Variants in TRPM5 observed in about 807,000 individuals in gnomAD.
The protein encoded by TRPM5 is MLSN1 and TRP-related.
In TRPM5, 121 loss-of-function variants were observed where a neutral mutation model predicts 124.9. That is an observed-to-expected ratio of 0.97 (90% CI 0.84 to 1.13). TRPM5 has a LOEUF of 1.13. TRPM5 is among the 50% of genes most tolerant of loss of function. The pLI, the probability that TRPM5 is intolerant of heterozygous loss-of-function variation, is 0.00. For synonymous variants in TRPM5, 781 were observed against 700.5 expected (o/e 1.11, Z -1.81); for missense variants, 1,643 against 1,589.1 (o/e 1.03, Z -0.58).
At chr11:2,412,622 GA>G (rs1850475197) in intron 15 of TRPM5, 131 bp downstream of exon 20, 1 of 1,010,224 alleles carries the variant, frequency 9.9e-7, no homozygotes, top group Non-Finnish European at 1.4e-6. Context: ...TGGTGACTGG[GA>G]AGATGGGAGG....
chr11:2,426,235 T>TG (rs987882120), upstream of TRPM5, among the ~76,000 whole-genome samples: 1 of 152,112 alleles, frequency 6.6e-6, no homozygotes, highest in Admixed American at 6.5e-5. Flanking sequence ...AGTAGCAGCG[T>TG]GGGGCAGCCT....
At chr11:2,418,395 T>C (rs1391263658) in intron 5 of TRPM5, 37 bp from the exon 11 acceptor site, 1 of 1,531,478 alleles carries the variant, frequency 6.5e-7, no homozygotes. Flanking sequence ...GACCCCAGAT[T>C]AGCCCGACGA....
At chr11:2,425,253 T>A (rs936486241), upstream of TRPM5, among the ~76,000 whole-genome samples, 5 of 152,066 alleles carry the variant, frequency 3.3e-5, no homozygotes, top group Non-Finnish European at 7.4e-5. Flanking sequence ...AGCCCAGACG[T>A]CCCAAATCCA....
chr11:2,405,067 G>A (rs761107596), intron 23 of TRPM5, 24 bp from the exon 29 acceptor site: 25 of 1,598,616 alleles, frequency 1.6e-5, no homozygotes, highest in Admixed American at 5.0e-5. Flanking sequence ...AGGCCCCCCT[G>A]AGCGGTGGGA....
rs748300169 is a variant in TRPM5, at chr11:2,415,887, AG to A, written c.1128+18del. On this transcript the variant is annotated intron_variant, in intron 8 of 23. Coordinates refer to ENST00000155858, the Ensembl canonical transcript of TRPM5. ...GCAGTGCCATGATGGGGAGGTGGGT[AG>A]GCAGGGCTGGGAGGCACCTTCCACT... 1.2e-5 allele frequency: 18 copies of A among 1,521,360 alleles called. No homozygotes were observed. The highest frequency in any genetic ancestry group is 1.4e-5 in the Non-Finnish European group (16 of 1,114,786). 94.2% of individuals were successfully genotyped at this position (1,521,360 alleles called of 1,614,324 possible).
intron 16 of TRPM5, 31 bp from the exon 22 acceptor site, chr11:2,411,798 G>A: frequency 1.2e-6 from 2 of 1,610,462 alleles, no homozygotes; most frequent in Non-Finnish European, 1.7e-6. Flanking sequence ...GCGGCTGCGG[G>A]GCCCAGAGAG....
rs202059741 is a variant in TRPM5, at chr11:2,412,750, C to T, written c.2355+4G>A. 207 of 1,586,838 alleles carry T rather than the reference C, an allele frequency of 1.3e-4. No individual in the cohort carries two copies. The African/African-American group carries it at 1.8e-3, about 14-fold the overall frequency. Reference sequence around the variant, plus strand: ...AGGGGACCTAGGCTAGTGTGGCCACCGACCTGCCGGATTTCCTCCAGCACC... The same window carrying T: ...AGGGGACCTAGGCTAGTGTGGCCACTGACCTGCCGGATTTCCTCCAGCACC... On this transcript the variant is annotated splice_donor_region_variant and intron_variant, in intron 15 of 23. Transcript: ENST00000155858.
At chr11:2,424,274 G>A (rs1845816376), upstream of TRPM5, among the ~76,000 whole-genome samples, 1 of 152,268 alleles carries the variant, frequency 6.6e-6, no homozygotes, top group African/African-American at 2.4e-5. Flanking sequence ...AGGGGATACA[G>A]GAGTTGGGGG....
chr11:2,422,887 G>T (rs766283433), intron 1 of TRPM5, 33 bp downstream of exon 6: 1 of 1,572,874 alleles, frequency 6.4e-7, no homozygotes, highest in Non-Finnish European at 8.7e-7. Flanking sequence ...AGGTCAAGGC[G>T]GACATCACCT....
upstream of TRPM5, among the ~76,000 whole-genome samples, chr11:2,427,284 T>C (rs1322115050): frequency 2.0e-5 from 3 of 152,200 alleles, no homozygotes; most frequent in African/African-American, 7.2e-5. Context: ...CTGCTCCTTC[T>C]CCCCACCTGG....
chr11:2,422,034 G>T, intron 2 of TRPM5, 107 bp downstream of exon 7: 1 of 1,263,522 alleles, frequency 7.9e-7, no homozygotes, highest in Non-Finnish European at 1.1e-6. Flanking sequence ...AGGGGGTCTG[G>T]CTGCCCTGTG....
At chr11:2,440,558 G>A in the TRPM5 span, among the ~76,000 whole-genome samples, 1 of 152,024 alleles carries the variant, frequency 6.6e-6, no homozygotes, top group Non-Finnish European at 1.5e-5. The surrounding 1 kb of genome is among the most constrained non-coding windows in gnomAD (Gnocchi z 5.2). Flanking sequence ...CAGATTTGCT[G>A]AAGGGCCTGC....
At chr11:2,437,612 G>A in the TRPM5 span, among the ~76,000 whole-genome samples, 4 of 152,192 alleles carry the variant, frequency 2.6e-5, no homozygotes, top group African/African-American at 7.2e-5. The surrounding 1 kb of genome is among the most constrained non-coding windows in gnomAD (Gnocchi z 5.6). Flanking sequence ...CTGCTGTGGT[G>A]CCCAAACTTG....
chr11:2,443,831 C>T, the TRPM5 span, among the ~76,000 whole-genome samples: 1 of 149,574 alleles, frequency 6.7e-6, no homozygotes, highest in East Asian at 2.0e-4. This position sits in a 1 kb window ranked among gnomAD's most constrained non-coding sequence, Gnocchi z 5.0. Context: ...CCACCCCCCC[C>T]CCAAGCCTGA....
At chr11:2,413,908 G>C (rs182378097) in intron 12 of TRPM5, among the ~76,000 whole-genome samples, 153 bp downstream of exon 17, 1 of 152,160 alleles carries the variant, frequency 6.6e-6, no homozygotes. Flanking sequence ...CCAGGTGGGC[G>C]CCTTCCAGGA....
chr11:2,405,491 G>A (rs756068890), intron 23 of TRPM5, 36 bp downstream of exon 28: 20 of 1,547,070 alleles, frequency 1.3e-5, no homozygotes, highest in Non-Finnish European at 1.6e-5. Flanking sequence ...GGGTGCCCAT[G>A]CCCACCCTCA....
At chr11:2,432,260 G>A in the TRPM5 span, among the ~76,000 whole-genome samples, 5 of 152,250 alleles carry the variant, frequency 3.3e-5, no homozygotes, top group South Asian at 2.1e-4. Context: ...CCTCTACAGC[G>A]GGTTTCCTCC....
intron 7 of TRPM5, among the ~76,000 whole-genome samples, chr11:2,416,777 C>T (rs952801657): frequency 6.6e-6 from 1 of 152,226 alleles, no homozygotes; most frequent in South Asian, 2.1e-4. Context: ...TGCCTGCCAG[C>T]GTCCAGCCCT....
chr11:2,410,842 G>C lies in TRPM5; in HGVS notation c.2782+510C>G, dbSNP rs1308786421. Reference sequence around the variant, plus strand: ...AGCGGCCAAATGGCGAAGGGGCCTTGCCAGCAGGACGGCGTAGGGGCTCTG... The same window carrying C: ...AGCGGCCAAATGGCGAAGGGGCCTTCCCAGCAGGACGGCGTAGGGGCTCTG... On this transcript the variant is annotated intron_variant, in intron 18 of 23. Coordinates refer to ENST00000155858, the Ensembl canonical transcript of TRPM5. Among the ~76,000 whole-genome samples, 5 of 152,292 alleles carry C rather than the reference G, an allele frequency of 3.3e-5. No individual in the cohort carries two copies. The East Asian group carries it at 9.7e-4, about 30-fold the overall frequency.
Sources: gnomAD v4.1 joint callset for allele counts (sites outside exome capture counted in the v4.1 genomes callset) on GRCh38, gnomAD v4.1.1 for gene constraint, Gnocchi (gnomAD v3.1) non-coding constraint, MANE v1.5 for transcripts, NCBI Gene and HGNC (gene_info 2026-07-23, HGNC 2026-07-21) for gene names.